The following FBXW11 variants were observed in gnomAD, a reference collection of about 807,000 sequenced individuals.
FBXW11 encodes F-box and WD repeat domain containing 11.
FBXW11 carries 19 observed loss-of-function variants against 77.6 expected under a neutral mutation model. That is an observed-to-expected ratio of 0.24 (90% CI 0.17 to 0.36). The LOEUF (loss-of-function observed/expected upper bound fraction) is 0.36, where lower values mean the gene tolerates loss of function less well. Ranked by LOEUF, FBXW11 falls within the 10% of genes least tolerant of loss-of-function variation. The pLI, the probability that FBXW11 is intolerant of heterozygous loss-of-function variation, is 1.00. For missense variants in FBXW11, 334 were observed against 704.2 expected (o/e 0.47, Z 5.95); for synonymous variants, 235 against 249.4 (o/e 0.94, Z 0.54).
At chr5:171,982,352 C>T (rs1765194262) in intron 1 of FBXW11, among the ~76,000 whole-genome samples, 1 of 146,432 alleles carries the variant, frequency 6.8e-6, no homozygotes, top group African/African-American at 2.5e-5. Flanking sequence ...TCACTGCAAC[C>T]TCCGCCTCCT....
rs144324511 is a variant in FBXW11 at position 171,875,844 on chromosome 5, A to G, written c.1221+441T>C. ...GAGTCCACCGCACTGCGAGTCCTCA[A>G]AATTAGGTGAATAAATAAAACATCT... On this transcript the variant is annotated intron_variant, in intron 9 of 13. Transcript: ENST00000517395. Among the ~76,000 whole-genome samples the G allele has an allele frequency of 5.3e-5, 8 of 152,282 alleles. No homozygotes were observed. In the East Asian group the frequency reaches 1.5e-3, roughly 29 times the overall value.
intron 1 of FBXW11, among the ~76,000 whole-genome samples, chr5:171,968,404 G>A (rs2113400179): frequency 6.7e-6 from 1 of 150,174 alleles, no homozygotes; most frequent in South Asian, 2.1e-4. Context: ...CTTGCAGTGA[G>A]CGGAGATCAG....
intron 2 of FBXW11, among the ~76,000 whole-genome samples, chr5:171,918,198 A>G (rs1761377712): frequency 6.6e-6 from 1 of 152,092 alleles, no homozygotes; most frequent in Non-Finnish European, 1.5e-5. Context: ...AGTATAATAC[A>G]GATATTCTAA....
chr5:172,000,417 G>A (rs763039933), intron 1 of FBXW11, among the ~76,000 whole-genome samples: 2 of 152,104 alleles, frequency 1.3e-5, no homozygotes, highest in African/African-American at 4.8e-5. Context: ...ATCTAATTAC[G>A]CCAAATTGGT....
intron 2 of FBXW11, among the ~76,000 whole-genome samples, chr5:171,945,553 G>T (rs1464734808): frequency 6.6e-6 from 1 of 152,156 alleles, no homozygotes; most frequent in African/African-American, 2.4e-5. Context: ...ATATGGGAAA[G>T]AGCTTAGTAA....
intron 1 of FBXW11, among the ~76,000 whole-genome samples, chr5:171,999,626 A>G (rs1190190129): frequency 6.6e-6 from 1 of 152,078 alleles, no homozygotes; most frequent in East Asian, 1.9e-4. Context: ...ATTGTTAGTT[A>G]CCAAAACTGG....
chr5:171,880,381 C>T (rs1355982045), intron 7 of FBXW11, among the ~76,000 whole-genome samples: 1 of 152,156 alleles, frequency 6.6e-6, no homozygotes, highest in Non-Finnish European at 1.5e-5. Flanking sequence ...TAGTGTTAGT[C>T]CTCTGTCTTT....
intron 1 of FBXW11, among the ~76,000 whole-genome samples, chr5:171,989,278 A>C (rs1162953396): frequency 6.6e-6 from 1 of 152,284 alleles, no homozygotes; most frequent in East Asian, 1.9e-4. Context: ...GTAATGAAAC[A>C]GGGTATTTAC....
chr5:171,995,014 C>T (rs1765952502), intron 1 of FBXW11, among the ~76,000 whole-genome samples: 1 of 152,038 alleles, frequency 6.6e-6, no homozygotes. Flanking sequence ...GAAATATTAG[C>T]AAATGTGAAA....
rs1321490477 is a variant in FBXW11 at position 171,923,134 on chromosome 5, G to A, written c.148-8729C>T. Among the ~76,000 whole-genome samples, 6 of 152,046 alleles carry A rather than the reference G, an allele frequency of 3.9e-5. No individual in the cohort carries two copies. The East Asian group carries it at 7.7e-4, about 20-fold the overall frequency. On this transcript the variant is annotated intron_variant, in intron 2 of 13. Coordinates refer to ENST00000517395, the MANE Select transcript of FBXW11 (RefSeq NM_001378974.1). ...TCGTCATGTTGGCCAGGCTAGTCTC[G>A]AACTCCTGGCCTCAAATGATCTGCC...
chr5:171,944,222 A>T (rs1227493581), intron 2 of FBXW11, among the ~76,000 whole-genome samples: 2 of 151,986 alleles, frequency 1.3e-5, no homozygotes, highest in African/African-American at 4.8e-5. Flanking sequence ...ATCTATTTAT[A>T]TGCATATAAT....
intron 5 of FBXW11, 72 bp downstream of exon 5, chr5:171,899,842 C>T: frequency 7.4e-7 from 1 of 1,349,572 alleles, no homozygotes; most frequent in South Asian, 1.6e-5. Context: ...AGTATAATTG[C>T]ATTTTTGAGT....
chr5:171,913,455 A>G (rs1761010619), intron 3 of FBXW11, among the ~76,000 whole-genome samples: 2 of 152,076 alleles, frequency 1.3e-5, no homozygotes, highest in Admixed American at 6.6e-5. Context: ...AGGGTACAAA[A>G]CTCAGTCTGT....
chr5:171,871,321 G>C (rs544029518), intron 10 of FBXW11, among the ~76,000 whole-genome samples: 2 of 152,216 alleles, frequency 1.3e-5, no homozygotes, highest in East Asian at 3.9e-4. Context: ...GAGATATCAC[G>C]TACAGCCAGG....
intron 3 of FBXW11, 61 bp downstream of exon 3, chr5:171,914,282 G>A: frequency 7.1e-7 from 1 of 1,406,924 alleles, no homozygotes; most frequent in Non-Finnish European, 9.8e-7. Flanking sequence ...GACATTAACT[G>A]AGGGAGCATC....
chr5:171,873,711 T>C (rs1030888458), intron 9 of FBXW11, among the ~76,000 whole-genome samples: 1 of 152,258 alleles, frequency 6.6e-6, no homozygotes, highest in African/African-American at 2.4e-5. Context: ...AACAGCTCCA[T>C]TTGTTTTGAC....
rs184808900 is a variant in FBXW11, at chr5:171,866,566, C to A, written c.*25+2044G>T. 4.4e-4 allele frequency among the ~76,000 whole-genome samples: 67 copies of A among 152,296 alleles called. 1 individual carries two copies. The highest frequency in any genetic ancestry group is 1.6e-3 in the African/African-American group (66 of 41,568). ...GAAACAGCATTGGTGATCACTGCTT[C>A]ATCTCTCAACCAAAGGAATCTTGTT... On this transcript the variant is annotated intron_variant, in intron 13 of 13. Transcript: ENST00000517395.
chr5:171,888,670 G>A (rs370319031), intron 7 of FBXW11, among the ~76,000 whole-genome samples: 2 of 152,050 alleles, frequency 1.3e-5, no homozygotes, highest in East Asian at 1.9e-4. Flanking sequence ...AAATTACCTG[G>A]CATACAAAAA....
chr5:172,005,121 T>TTATA (rs1766654489), intron 1 of FBXW11, among the ~76,000 whole-genome samples: 1 of 152,166 alleles, frequency 6.6e-6, no homozygotes. Context: ...CATTTATTAT[T>TTATA]TATAGCGTTA....
Sources: allele counts gnomAD v4.1 joint callset (sites outside exome capture counted in the v4.1 genomes callset), GRCh38; gene constraint gnomAD v4.1.1; transcripts MANE v1.5; gene names NCBI Gene and HGNC (gene_info 2026-07-23, HGNC 2026-07-21).